The following PTPRD variants were observed in gnomAD, a reference collection of about 807,000 sequenced individuals.
PTPRD encodes the protein receptor-type tyrosine-protein phosphatase delta.
A neutral mutation model predicts 214.5 loss-of-function variants in PTPRD; 34 were observed. The observed-to-expected ratio is 0.16, with a 90% CI of 0.12 to 0.21. The LOEUF (loss-of-function observed/expected upper bound fraction) is 0.21, where lower values mean the gene tolerates loss of function less well. PTPRD is among the 10% of genes least tolerant of loss of function. PTPRD has a pLI of 1.00. For missense variants in PTPRD, 2,545 were observed against 2,398.7 expected (o/e 1.06, Z -1.27); for synonymous variants, 1,128 against 845.7 (o/e 1.33, Z -5.79).
intron 12 of PTPRD, among the ~76,000 whole-genome samples, chr9:8,649,515 G>A (rs910197530): frequency 1.2e-4 from 18 of 152,308 alleles, no homozygotes; most frequent in Admixed American, 7.2e-4. Flanking sequence ...GAAGGGAGAC[G>A]TGTGTGTACA....
intron 10 of PTPRD, among the ~76,000 whole-genome samples, chr9:9,172,894 T>C (rs1453347949): frequency 6.6e-6 from 1 of 152,164 alleles, no homozygotes; most frequent in Non-Finnish European, 1.5e-5. Context: ...CCTAAATGAT[T>C]CTCTTAAAAT....
chr9:10,584,493 T>C (rs1164923296), intron 2 of PTPRD, among the ~76,000 whole-genome samples: 4 of 152,196 alleles, frequency 2.6e-5, no homozygotes, highest in South Asian at 2.1e-4. Context: ...GAGTCTACTG[T>C]AGTTCCAGAT....
At chr9:9,676,784 C>A (rs2096939652) in intron 7 of PTPRD, among the ~76,000 whole-genome samples, 2 of 152,010 alleles carry the variant, frequency 1.3e-5, no homozygotes. Flanking sequence ...CTCTCCAGCA[C>A]CTGTTGTTTC....
intron 11 of PTPRD, among the ~76,000 whole-genome samples, chr9:8,841,600 T>C (rs1406334591): frequency 6.6e-6 from 1 of 152,114 alleles, no homozygotes; most frequent in Non-Finnish European, 1.5e-5. Flanking sequence ...AATACACAAA[T>C]GTATTGTATT....
chr9:8,515,562 C>T (rs1003691456), intron 21 of PTPRD, among the ~76,000 whole-genome samples: 9 of 152,156 alleles, frequency 5.9e-5, no homozygotes, highest in Admixed American at 3.3e-4. Context: ...ACCCCAAGTC[C>T]GTTATGACTG....
At chr9:9,229,184 G>C (rs986788274) in intron 9 of PTPRD, among the ~76,000 whole-genome samples, 1 of 151,958 alleles carries the variant, frequency 6.6e-6, no homozygotes, top group Non-Finnish European at 1.5e-5. Flanking sequence ...TTAAAAAATT[G>C]ATAACATTCA....
chr9:9,905,496 T>C (rs1438949125), intron 5 of PTPRD, among the ~76,000 whole-genome samples: 1 of 151,930 alleles, frequency 6.6e-6, no homozygotes. Flanking sequence ...CATACCTATA[T>C]ACTAGTTATC....
chr9:10,377,550 T>C (rs2097755639), intron 2 of PTPRD, among the ~76,000 whole-genome samples: 1 of 152,052 alleles, frequency 6.6e-6, no homozygotes, highest in African/African-American at 2.4e-5. Flanking sequence ...GTTTGTTTTT[T>C]TTGTCCTTGC....
chr9:10,389,114 T>G (rs541251786), intron 2 of PTPRD, among the ~76,000 whole-genome samples: 2 of 151,964 alleles, frequency 1.3e-5, no homozygotes, highest in African/African-American at 4.8e-5. Context: ...ATTGCTCCTG[T>G]TATGTAAAAT....
chr9:9,248,473 T>A (rs548749811), intron 9 of PTPRD, among the ~76,000 whole-genome samples: 24 of 152,206 alleles, frequency 1.6e-4, no homozygotes, highest in African/African-American at 5.8e-4. Flanking sequence ...TTGTAACTTC[T>A]TAGAATTTTT....
chr9:10,156,761 G>C (rs1293759701), intron 3 of PTPRD, among the ~76,000 whole-genome samples: 1 of 152,078 alleles, frequency 6.6e-6, no homozygotes, highest in Non-Finnish European at 1.5e-5. Flanking sequence ...TTGTTGCATG[G>C]GAGTCTAAGT....
At chr9:10,162,690 T>C (rs2099135265) in intron 3 of PTPRD, among the ~76,000 whole-genome samples, 2 of 147,118 alleles carry the variant, frequency 1.4e-5, no homozygotes, top group Non-Finnish European at 3.0e-5. Flanking sequence ...TATATATGTG[T>C]ATATATATAC....
At chr9:8,513,083 T>C (rs2097713650) in intron 21 of PTPRD, among the ~76,000 whole-genome samples, 4 of 152,042 alleles carry the variant, frequency 2.6e-5, no homozygotes, top group Admixed American at 6.6e-5. Context: ...CCCCATATTT[T>C]CAAGGTAAAC....
intron 3 of PTPRD, among the ~76,000 whole-genome samples, chr9:10,202,940 C>A (rs2099436576): frequency 6.6e-6 from 1 of 151,710 alleles, no homozygotes; most frequent in Admixed American, 6.6e-5. Context: ...GACCACCTAA[C>A]CTCCAGAACT....
chr9:9,403,672 T>C (rs2071940004), intron 8 of PTPRD, among the ~76,000 whole-genome samples: 1 of 152,144 alleles, frequency 6.6e-6, no homozygotes, highest in Admixed American at 6.6e-5. Flanking sequence ...AGATAATTTA[T>C]TAATTTTTTT....
intron 2 of PTPRD, among the ~76,000 whole-genome samples, chr9:10,535,037 A>G (rs2057405750): frequency 1.3e-5 from 2 of 152,196 alleles, no homozygotes; most frequent in African/African-American, 4.8e-5. Context: ...ATAAACAAAG[A>G]GTTGTTTACA....
chr9:9,034,253 T>A (rs1314676321), intron 10 of PTPRD, among the ~76,000 whole-genome samples: 2 of 152,256 alleles, frequency 1.3e-5, no homozygotes, highest in African/African-American at 2.4e-5. Flanking sequence ...CTGTTAGGAA[T>A]CCATATACAG....
In PTPRD at chr9:9,549,223, G is replaced by A. The variant is rs185236787; in HGVS notation, c.-237+25509C>T. Reference sequence around the variant, plus strand: ...ACATTGTAAAAAATAAGCAGCCACAGGTTAGGAGAAAATTATACATATATA... The same window carrying A: ...ACATTGTAAAAAATAAGCAGCCACAAGTTAGGAGAAAATTATACATATATA... On this transcript the variant is annotated intron_variant, in intron 8 of 45. Transcript: ENST00000381196. Among the ~76,000 whole-genome samples the A allele has an allele frequency of 9.2e-5, 14 of 152,070 alleles. No individual in the cohort carries two copies. In the East Asian group the frequency reaches 2.7e-3, roughly 29 times the overall value.
intron 3 of PTPRD, among the ~76,000 whole-genome samples, chr9:10,306,830 C>T (rs2096086425): frequency 6.6e-6 from 1 of 152,206 alleles, no homozygotes; most frequent in South Asian, 2.1e-4. Context: ...AGTATTATCT[C>T]ATTGGCATCC....
Sources: allele counts gnomAD v4.1 joint callset (sites outside exome capture counted in the v4.1 genomes callset), GRCh38; gene constraint gnomAD v4.1.1; transcripts MANE v1.5; gene names NCBI Gene and HGNC (gene_info 2026-07-23, HGNC 2026-07-21).